The following MYO3A variants were observed in gnomAD, a reference collection of about 807,000 sequenced individuals.
MYO3A encodes the protein myosin IIIA.
MYO3A carries 180 observed loss-of-function variants against 192.7 expected under a neutral mutation model. That is an observed-to-expected ratio of 0.93 (90% confidence interval 0.83 to 1.06). The LOEUF is 1.06. Among genes scored for constraint, MYO3A ranks in the 50% least tolerant of loss-of-function variants. MYO3A has a pLI of 0.00. For missense variants in MYO3A, 1,896 were observed against 1,905.0 expected (o/e 1.00, Z 0.09); for synonymous variants, 628 against 645.3 (o/e 0.97, Z 0.41).
chr10:26,068,977 C>A, intron 12 of MYO3A, 93 bp downstream of exon 12: 1 of 875,548 alleles, frequency 1.1e-6, no homozygotes, highest in Non-Finnish European at 1.9e-6. Flanking sequence ...AAAATTTTAT[C>A]CAGTATTTTG....
intron 33 of MYO3A, 22 bp downstream of exon 33, chr10:26,201,327 C>T: frequency 1.3e-6 from 2 of 1,529,350 alleles, no homozygotes; most frequent in Non-Finnish European, 9.0e-7. Context: ...TTCTGGATTT[C>T]AATCAGTCAT....
At chr10:26,148,124 T>G (rs1840582172) in intron 23 of MYO3A, among the ~76,000 whole-genome samples, 1 of 152,218 alleles carries the variant, frequency 6.6e-6, no homozygotes, top group South Asian at 2.1e-4. Flanking sequence ...TGATGAGTTT[T>G]TGACATATAT....
chr10:26,179,796 C>A (rs1366992572), intron 31 of MYO3A, among the ~76,000 whole-genome samples: 1 of 152,158 alleles, frequency 6.6e-6, no homozygotes, highest in Non-Finnish European at 1.5e-5. Context: ...AAAAGTCTAA[C>A]AATAACATTT....
intron 6 of MYO3A, among the ~76,000 whole-genome samples, chr10:26,000,748 A>T (rs75649431): frequency 0.019 from 2,823 of 152,080 alleles, 95 homozygotes; most frequent in African/African-American, 0.064. Context: ...TTTTAAAAAG[A>T]TAATGAGGGC....
chr10:26,061,955 G>A (rs12767552), intron 10 of MYO3A, among the ~76,000 whole-genome samples: 71,620 of 151,636 alleles, frequency 0.47, 17,724 homozygotes, highest in Middle Eastern at 0.59. Context: ...TATAAGAATC[G>A]CTTTGAAAAT....
chr10:26,025,287 A>G (rs1216694239), intron 9 of MYO3A, among the ~76,000 whole-genome samples: 1 of 151,928 alleles, frequency 6.6e-6, no homozygotes, highest in African/African-American at 2.4e-5. Flanking sequence ...AAATGGCGCT[A>G]CTCAAGCCAA....
rs144249948 is a variant in MYO3A, at chr10:26,116,737, A to T, written c.1777-3939A>T. ...TTCTGGGACAAGGTTTCTCAACCTC[A>T]GTACTATTTACATTTGGAGTGAGAT... is the stretch of plus-strand genomic sequence containing the variant. On this transcript the variant is annotated intron_variant, in intron 17 of 34. Coordinates refer to ENST00000642920, the MANE Select transcript of MYO3A (RefSeq NM_017433.5). Among the ~76,000 whole-genome samples the T allele has an allele frequency of 1.3e-4, 20 of 152,296 alleles. No homozygotes were observed. The East Asian group carries it at 3.9e-3, about 29-fold the overall frequency.
At chr10:25,935,021 G>A (rs1426489957) in intron 1 of MYO3A, among the ~76,000 whole-genome samples, 1 of 152,072 alleles carries the variant, frequency 6.6e-6, no homozygotes, top group Non-Finnish European at 1.5e-5. Context: ...GGAGACCTGT[G>A]GCGCGCGCGG....
In MYO3A at chr10:26,172,019, G is replaced by A. The variant is rs143063227; in HGVS notation, c.3398+1480G>A. ...GTGTGAGTAAGAAGCTATCACTGTG[G>A]TCTGGGATGGAGAATTTGACATTGA... On this transcript the variant is annotated intron_variant, in intron 29 of 34. Transcript: ENST00000642920. 1.4e-3 allele frequency among the ~76,000 whole-genome samples: 207 copies of A among 152,294 alleles called. 3 individuals carry two copies. The East Asian group carries it at 0.02, about 15-fold the overall frequency.
intron 2 of MYO3A, among the ~76,000 whole-genome samples, chr10:25,943,076 AG>A (rs1481616040): frequency 1.3e-5 from 2 of 151,800 alleles, no homozygotes; most frequent in African/African-American, 4.8e-5. Flanking sequence ...TTATTATTTT[AG>A]CTCATATGTT....
intron 10 of MYO3A, among the ~76,000 whole-genome samples, chr10:26,037,845 T>C (rs1230342756): frequency 1.3e-5 from 2 of 152,092 alleles, no homozygotes; most frequent in East Asian, 1.9e-4. Context: ...CTACACACTT[T>C]CAAACAACCA....
intron 18 of MYO3A, among the ~76,000 whole-genome samples, chr10:26,125,071 A>C (rs1839133165): frequency 2.0e-5 from 3 of 152,214 alleles, no homozygotes; most frequent in South Asian, 4.1e-4. Context: ...ATTATGTTTT[A>C]AAATTATTTA....
chr10:25,993,840 T>A (rs1434575430), intron 4 of MYO3A, among the ~76,000 whole-genome samples: 5 of 152,224 alleles, frequency 3.3e-5, no homozygotes, highest in Admixed American at 2.0e-4. Context: ...AGTTTCTTAA[T>A]CCTGAGTTCT....
intron 6 of MYO3A, among the ~76,000 whole-genome samples, chr10:26,000,706 CTG>C (rs1463768969): frequency 2.6e-5 from 4 of 151,264 alleles, no homozygotes; most frequent in Non-Finnish European, 5.9e-5. Flanking sequence ...GAGTTTCCCT[CTG>C]TCACCCAGGC....
At position 26,084,805 on chromosome 10, in the gene MYO3A, C is replaced by G. The variant is rs557012046; in HGVS notation, c.1360-3398C>G. On this transcript the variant is annotated intron_variant, in intron 14 of 34. Transcript: ENST00000642920. ...AGACATTAGCCACACTATGCCTGGC[C>G]TAGCTCTACTTTTTAGAAGAGTTTA... 2.6e-5 allele frequency among the ~76,000 whole-genome samples: 4 copies of G among 152,348 alleles called. No homozygotes were observed. The East Asian group carries it at 5.8e-4, about 22-fold the overall frequency.
At chr10:26,210,635 A>G (rs1844180872) in intron 34 of MYO3A, among the ~76,000 whole-genome samples, 1 of 152,156 alleles carries the variant, frequency 6.6e-6, no homozygotes, top group South Asian at 2.1e-4. Flanking sequence ...GAACCCTTCA[A>G]TGTTTCTCTC....
chr10:26,190,504 G>C (rs776771576), intron 31 of MYO3A, among the ~76,000 whole-genome samples: 2 of 152,136 alleles, frequency 1.3e-5, no homozygotes, highest in South Asian at 4.1e-4. Flanking sequence ...GTGTGCATTA[G>C]GAACACCAGA....
intron 2 of MYO3A, among the ~76,000 whole-genome samples, chr10:25,938,064 T>A (rs78534153): frequency 0.015 from 2,282 of 152,284 alleles, 72 homozygotes; most frequent in African/African-American, 0.052. Flanking sequence ...ACAGGGCAAA[T>A]TTAATTTTTT....
chr10:25,990,508 A>AAT (rs1041966137), intron 4 of MYO3A, among the ~76,000 whole-genome samples: 273 of 150,646 alleles, frequency 1.8e-3, no homozygotes, highest in Non-Finnish European at 2.7e-3. Flanking sequence ...TTCTTTTTTT[A>AAT]ATATATATAT....
Sources: allele counts gnomAD v4.1 joint callset (sites outside exome capture counted in the v4.1 genomes callset), GRCh38; gene constraint gnomAD v4.1.1; transcripts MANE v1.5; gene names NCBI Gene and HGNC (gene_info 2026-07-23, HGNC 2026-07-21).